The following SRRM4 variants were observed in gnomAD, a reference collection of about 807,000 sequenced individuals.
The protein encoded by SRRM4 is serine/arginine repetitive matrix protein 4.
In SRRM4, 33 loss-of-function variants were observed where a neutral mutation model predicts 68.9. That is an observed-to-expected ratio of 0.48 (90% CI 0.36 to 0.64). SRRM4 has a LOEUF of 0.64. Ranked by LOEUF, SRRM4 falls within the 30% of genes least tolerant of loss-of-function variation. The pLI is 0.00. For missense variants in SRRM4, 817 were observed against 827.1 expected, an observed-to-expected ratio of 0.99 and a Z score of 0.15; for synonymous variants, 318 against 318.8, an observed-to-expected ratio of 1.00 and a Z score of 0.03.
intron 1 of SRRM4, among the ~76,000 whole-genome samples, chr12:119,088,684 T>G (rs1953994756): frequency 7.4e-6 from 1 of 135,110 alleles, no homozygotes; most frequent in African/African-American, 2.7e-5. Context: ...TGGGGGTGGG[T>G]AATAAGTGGG....
intron 1 of SRRM4, among the ~76,000 whole-genome samples, chr12:118,987,959 T>C (rs1953292938): frequency 6.6e-6 from 1 of 152,252 alleles, no homozygotes; most frequent in African/African-American, 2.4e-5. Context: ...TTGTGATACA[T>C]ATAATGTACA....
intron 10 of SRRM4, among the ~76,000 whole-genome samples, chr12:119,153,286 A>G (rs2136069706): frequency 6.6e-6 from 1 of 152,308 alleles, no homozygotes. Context: ...GCCCAGGGAA[A>G]CGAAATCATC....
chr12:119,065,831 G>A (rs1275607057), intron 1 of SRRM4, among the ~76,000 whole-genome samples: 2 of 152,136 alleles, frequency 1.3e-5, no homozygotes, highest in Admixed American at 1.3e-4. Flanking sequence ...ACAGATAGAT[G>A]GATGAGTGGA....
chr12:119,023,839 T>C (rs893909683), intron 1 of SRRM4, among the ~76,000 whole-genome samples: 3 of 152,186 alleles, frequency 2.0e-5, no homozygotes, highest in Non-Finnish European at 4.4e-5. Flanking sequence ...TAATAGGTGC[T>C]CAATACGTAT....
At chr12:119,061,895 T>A (rs912858094) in intron 1 of SRRM4, among the ~76,000 whole-genome samples, 3 of 152,050 alleles carry the variant, frequency 2.0e-5, no homozygotes, top group African/African-American at 4.8e-5. Context: ...TTTTTAAATG[T>A]CCCCAGAGGG....
intron 1 of SRRM4, among the ~76,000 whole-genome samples, chr12:118,995,406 C>T (rs1297386227): frequency 6.6e-6 from 1 of 152,146 alleles, no homozygotes; most frequent in African/African-American, 2.4e-5. Context: ...CTTAGGAGCA[C>T]CATATGGAAA....
intron 1 of SRRM4, among the ~76,000 whole-genome samples, chr12:119,033,596 G>T (rs748954971): frequency 2.6e-5 from 4 of 151,846 alleles, no homozygotes; most frequent in Non-Finnish European, 4.4e-5. Flanking sequence ...CCCAAGAGGC[G>T]GAGGTCGCCG....
intron 11 of SRRM4, among the ~76,000 whole-genome samples, 200 bp downstream of exon 11, chr12:119,153,849 C>CA (rs553384873): frequency 9.1e-4 from 139 of 152,158 alleles, no homozygotes; most frequent in African/African-American, 3.2e-3. Flanking sequence ...GTCTCCAGCC[C>CA]AAACAGTCCC....
At chr12:119,138,160 G>A (rs1954342791) in intron 8 of SRRM4, among the ~76,000 whole-genome samples, 1 of 152,128 alleles carries the variant, frequency 6.6e-6, no homozygotes, top group African/African-American at 2.4e-5. Flanking sequence ...AGGGATTTGG[G>A]CCCAGTGTTG....
At chr12:119,077,781 A>G (rs1357140645) in intron 1 of SRRM4, among the ~76,000 whole-genome samples, 1 of 152,212 alleles carries the variant, frequency 6.6e-6, no homozygotes, top group East Asian at 1.9e-4. Context: ...TATTTGTTCA[A>G]TGAATGAACA....
intron 1 of SRRM4, among the ~76,000 whole-genome samples, chr12:118,994,619 T>C (rs887133418): frequency 6.6e-6 from 1 of 152,222 alleles, no homozygotes; most frequent in East Asian, 1.9e-4. Flanking sequence ...GGGTGTTGTA[T>C]AGTTAGAAGA....
At chr12:119,065,691 G>A (rs1953841435) in intron 1 of SRRM4, among the ~76,000 whole-genome samples, 1 of 152,176 alleles carries the variant, frequency 6.6e-6, no homozygotes, top group Admixed American at 6.5e-5. Context: ...GGCAGAGGTT[G>A]CAGTGAGCCG....
At chr12:119,111,826 C>G (rs1954145567) in intron 2 of SRRM4, among the ~76,000 whole-genome samples, 1 of 152,134 alleles carries the variant, frequency 6.6e-6, no homozygotes, top group Non-Finnish European at 1.5e-5. Flanking sequence ...AGTGGATCAC[C>G]TGGGGTCAGG....
intron 1 of SRRM4, among the ~76,000 whole-genome samples, chr12:119,070,918 C>T (rs543281807): frequency 1.3e-5 from 2 of 152,170 alleles, no homozygotes; most frequent in Non-Finnish European, 2.9e-5. Context: ...CCCGTCTTTA[C>T]TCCACTGCCT....
At chr12:119,097,976 C>T (rs1215811289) in intron 1 of SRRM4, among the ~76,000 whole-genome samples, 2 of 152,182 alleles carry the variant, frequency 1.3e-5, no homozygotes, top group African/African-American at 2.4e-5. Flanking sequence ...TCTACAATGT[C>T]CCAAAGAGTT....
chr12:119,044,615 C>T (rs1197432371), intron 1 of SRRM4, among the ~76,000 whole-genome samples: 1 of 151,884 alleles, frequency 6.6e-6, no homozygotes, highest in Non-Finnish European at 1.5e-5. Flanking sequence ...GTAGACTTGG[C>T]CAAGTCCTTT....
At chr12:119,035,502 A>ATT (rs1953620982) in intron 1 of SRRM4, among the ~76,000 whole-genome samples, 1 of 152,058 alleles carries the variant, frequency 6.6e-6, no homozygotes. Context: ...CCATTCTACA[A>ATT]TTTTGGGTGT....
intron 1 of SRRM4, among the ~76,000 whole-genome samples, chr12:118,987,302 C>G (rs116020838): frequency 7.9e-5 from 12 of 152,294 alleles, no homozygotes; most frequent in African/African-American, 2.9e-4. Context: ...CTCTTGTGTA[C>G]TATGCCAGGG....
rs577986588 is a variant in SRRM4 at position 119,154,973 on chromosome 12, C to T, written c.1532+590C>T. Among the ~76,000 whole-genome samples the T allele has an allele frequency of 2.6e-5, 4 of 152,284 alleles. No homozygotes were observed. The South Asian group carries it at 8.3e-4, about 32-fold the overall frequency. On this transcript the variant is annotated intron_variant, in intron 12 of 12. Coordinates refer to ENST00000267260, the MANE Select transcript of SRRM4 (RefSeq NM_194286.4). This position sits in a 1 kb window ranked among gnomAD's most constrained non-coding sequence, Gnocchi z 4.7. ...GATGTGGATTGGAATCCTGAATGTA[C>T]CACTTTGCAGGTGACCTAGGAAAGG...
Sources: allele counts gnomAD v4.1 joint callset (sites outside exome capture counted in the v4.1 genomes callset), GRCh38; gene constraint gnomAD v4.1.1; non-coding constraint Gnocchi (gnomAD v3.1); transcripts MANE v1.5; gene names NCBI Gene and HGNC (gene_info 2026-07-23, HGNC 2026-07-21).